CNTN1: variants seen among roughly 807,000 people sequenced by gnomAD.
The protein encoded by CNTN1 is contactin-1.
In CNTN1, 38 loss-of-function variants were observed where a neutral mutation model predicts 126.4. That is an observed-to-expected ratio of 0.30 (90% CI 0.23 to 0.39). The LOEUF is 0.39. Ranked by LOEUF, CNTN1 falls within the 10% of genes least tolerant of loss-of-function variation. The pLI is 1.00. For missense variants in CNTN1, 1,009 were observed against 1,248.4 expected, an observed-to-expected ratio of 0.81 and a Z score of 2.89; for synonymous variants, 413 against 422.6, an observed-to-expected ratio of 0.98 and a Z score of 0.28.
At chr12:40,939,088 T>C (rs1946176794) in intron 11 of CNTN1, among the ~76,000 whole-genome samples, 1 of 152,194 alleles carries the variant, frequency 6.6e-6, no homozygotes, top group South Asian at 2.1e-4. Context: ...AATTAAAGTT[T>C]CTAATAATCA....
chr12:40,827,178 G>C (rs916787381), intron 1 of CNTN1, among the ~76,000 whole-genome samples: 8 of 145,460 alleles, frequency 5.5e-5, no homozygotes, highest in Non-Finnish European at 9.1e-5. Flanking sequence ...TTTAAAGCCT[G>C]TTTTTTTTTT....
In CNTN1 at chr12:41,019,342, A is replaced by G. The variant is rs192879784; in HGVS notation, c.2420-995A>G. 1.8e-3 allele frequency among the ~76,000 whole-genome samples: 267 copies of G among 152,318 alleles called. 1 individual carries two copies. Among genetic ancestry groups the G allele is most frequent in the Admixed American group, 6.7e-3 (102 of 15,300 alleles). ...CAAATAGCTTGTCATCTATTTAGTC[A>G]TGGCTATTTGTATTTAATTATATTT... On this transcript the variant is annotated intron_variant, in intron 19 of 23. Coordinates refer to ENST00000551295, the MANE Select transcript of CNTN1 (RefSeq NM_001843.4).
At chr12:40,971,727 A>G in intron 15 of CNTN1, 1 of 1,329,662 alleles carries the variant, frequency 7.5e-7, no homozygotes, top group Non-Finnish European at 9.6e-7. Flanking sequence ...AAAAATGCCT[A>G]GTGAACTAAC....
intron 16 of CNTN1, among the ~76,000 whole-genome samples, chr12:40,988,983 C>T (rs1269282956): frequency 6.6e-6 from 1 of 152,084 alleles, no homozygotes; most frequent in African/African-American, 2.4e-5. Context: ...TATTTGCCTC[C>T]ATTATGCAAA....
At chr12:41,003,030 A>G (rs373586569) in intron 17 of CNTN1, among the ~76,000 whole-genome samples, 1 of 152,132 alleles carries the variant, frequency 6.6e-6, no homozygotes, top group African/African-American at 2.4e-5. Context: ...CCAGTTTTCA[A>G]GGTGAATGAT....
chr12:41,062,303 C>A (rs1432066194), intron 23 of CNTN1, among the ~76,000 whole-genome samples: 2 of 152,112 alleles, frequency 1.3e-5, no homozygotes, highest in African/African-American at 4.8e-5. Flanking sequence ...TTAGACCATT[C>A]ATAAAAATAA....
At chr12:40,773,644 TATATATATATACAC>T (rs1481694219) in intron 1 of CNTN1, among the ~76,000 whole-genome samples, 11 of 3,918 alleles carry the variant, frequency 2.8e-3, no homozygotes, top group Non-Finnish European at 0.011. Flanking sequence ...TATATATATA[TATATATATATACAC>T]ATATATATAT....
At chr12:40,933,625 G>A (rs56323985) in intron 8 of CNTN1, 65 bp downstream of exon 8, 2 of 1,537,314 alleles carry the variant, frequency 1.3e-6, no homozygotes, top group East Asian at 4.5e-5. Flanking sequence ...ATAAATAATT[G>A]TTTAGCTATA....
chr12:41,026,738 T>C (rs1048286134), intron 21 of CNTN1, among the ~76,000 whole-genome samples: 2 of 152,170 alleles, frequency 1.3e-5, no homozygotes, highest in South Asian at 2.1e-4. Flanking sequence ...TAAGAAGCCA[T>C]TGAAAGATTT....
At chr12:41,064,944 T>C (rs917177827) in intron 23 of CNTN1, among the ~76,000 whole-genome samples, 2 of 152,198 alleles carry the variant, frequency 1.3e-5, no homozygotes, top group Non-Finnish European at 1.5e-5. Context: ...GAGGTAGAGT[T>C]TGAACTTTGC....
intron 1 of CNTN1, among the ~76,000 whole-genome samples, chr12:40,905,053 C>T (rs999074423): frequency 6.6e-6 from 1 of 152,108 alleles, no homozygotes; most frequent in African/African-American, 2.4e-5. Context: ...AGTAATTTGC[C>T]CAAAGTTGCA....
chr12:40,950,100 GT>G (rs1566019856), intron 14 of CNTN1, among the ~76,000 whole-genome samples: 26 of 7,586 alleles, frequency 3.4e-3, no homozygotes, highest in South Asian at 6.0e-3. Flanking sequence ...TTGAGAGGGT[GT>G]GTGTGTGTGT....
At chr12:41,028,575 T>C (rs1186585150) in intron 22 of CNTN1, among the ~76,000 whole-genome samples, 1 of 152,152 alleles carries the variant, frequency 6.6e-6, no homozygotes, top group Non-Finnish European at 1.5e-5. Context: ...CCCAGAAAAC[T>C]CCTTGATAAA....
intron 1 of CNTN1, among the ~76,000 whole-genome samples, chr12:40,883,963 A>G (rs1943950763): frequency 2.0e-5 from 3 of 151,636 alleles, no homozygotes; most frequent in Admixed American, 2.0e-4. Context: ...CCTTTATCAT[A>G]GGAAAATGTG....
intron 1 of CNTN1, among the ~76,000 whole-genome samples, chr12:40,764,367 G>A (rs1477798866): frequency 6.6e-6 from 1 of 152,184 alleles, no homozygotes; most frequent in Non-Finnish European, 1.5e-5. Context: ...ATGAACTAAT[G>A]CTGAGATGAA....
chr12:40,888,268 C>T (rs921196167), intron 1 of CNTN1, among the ~76,000 whole-genome samples: 22 of 152,014 alleles, frequency 1.4e-4, no homozygotes, highest in African/African-American at 3.6e-4. Context: ...TTCACTGTTA[C>T]GGACTTTTTA....
intron 1 of CNTN1, among the ~76,000 whole-genome samples, chr12:40,724,640 T>A (rs184381698): frequency 2.0e-5 from 3 of 152,358 alleles, no homozygotes; most frequent in Non-Finnish European, 2.9e-5. Flanking sequence ...TCCGTGATCA[T>A]GAGCAAACAG....
At chr12:40,700,643 A>G (rs547473442) in intron 1 of CNTN1, among the ~76,000 whole-genome samples, 3 of 152,344 alleles carry the variant, frequency 2.0e-5, no homozygotes, top group African/African-American at 7.2e-5. Context: ...AGAACCAGAT[A>G]GGTCAAATGC....
intron 1 of CNTN1, among the ~76,000 whole-genome samples, chr12:40,780,301 C>T (rs892777004): frequency 6.6e-6 from 1 of 151,832 alleles, no homozygotes. Context: ...TTGTCACATA[C>T]ATATCCCAAT....
Sources: allele counts gnomAD v4.1 joint callset (sites outside exome capture counted in the v4.1 genomes callset), GRCh38; gene constraint gnomAD v4.1.1; transcripts MANE v1.5; gene names NCBI Gene and HGNC (gene_info 2026-07-23, HGNC 2026-07-21).